NBN: variants seen among roughly 807,000 people sequenced by gnomAD.
The protein encoded by NBN is Nijmegen breakage syndrome 1 (nibrin).
In NBN, 88 loss-of-function variants were observed where a neutral mutation model predicts 90.8. The ratio of observed to expected loss-of-function variants is 0.97; its 90% CI spans 0.82 to 1.16. The LOEUF (loss-of-function observed/expected upper bound fraction) is 1.16, where lower values mean the gene tolerates loss of function less well. Ranked by LOEUF, NBN falls within the 50% of genes most tolerant of loss-of-function variation. The pLI is 0.00. For missense variants in NBN, 894 were observed against 869.6 expected (o/e 1.03, Z -0.35); for synonymous variants, 328 against 295.1 (o/e 1.11, Z -1.14).
intron 10 of NBN, among the ~76,000 whole-genome samples, chr8:89,954,231 T>C (rs1810591709): frequency 6.6e-6 from 1 of 152,116 alleles, no homozygotes; most frequent in Non-Finnish European, 1.5e-5. Context: ...CCAAACACTT[T>C]ATGCAAACTG....
chr8:89,974,251 C>CTTT (rs905605538), intron 5 of NBN, among the ~76,000 whole-genome samples: 20 of 106,476 alleles, frequency 1.9e-4, no homozygotes, highest in Non-Finnish European at 2.5e-4. Flanking sequence ...TACTATATGG[C>CTTT]TTTTTTTTTT....
intron 10 of NBN, among the ~76,000 whole-genome samples, chr8:89,954,155 C>G (rs13312926): frequency 2.6e-5 from 4 of 152,014 alleles, no homozygotes; most frequent in Non-Finnish European, 5.9e-5. Flanking sequence ...CTGTATACTG[C>G]AAATGCTATG....
At chr8:89,944,112 G>T (rs964270727) in intron 13 of NBN, among the ~76,000 whole-genome samples, 5 of 152,060 alleles carry the variant, frequency 3.3e-5, no homozygotes, top group Admixed American at 1.3e-4. Flanking sequence ...TTGAGACAGG[G>T]TCTCACTCTG....
chr8:89,945,089 A>C (rs1810128048), intron 13 of NBN, among the ~76,000 whole-genome samples: 1 of 152,202 alleles, frequency 6.6e-6, no homozygotes, highest in Admixed American at 6.5e-5. Context: ...GTTGTTAATA[A>C]ACCACTCTGT....
At position 89,958,852 on chromosome 8, in the gene NBN, A is replaced by C; in HGVS notation, c.997T>G (p.Leu333Val). The change falls in exon 9 of 16, where the codon TTA becomes GTA. Residue 333 changes from leucine (L) to valine (V), a missense_variant and splice_region_variant. By Grantham distance (32) the Leu-to-Val change is conservative (BLOSUM62 1). Coordinates refer to ENST00000265433, the MANE Select transcript of NBN (RefSeq NM_002485.5). ...CTTGGTCCTGGAGTTGTTGTCTTTA[A>C]TCCTGTAAATCACACAAGTAGAAAG... ...CDPQGHPSTG[L>V]KTTTPGPSLS... The C allele has an allele frequency of 6.2e-7, 1 of 1,613,638 alleles. No individual in the cohort carries two copies. Among genetic ancestry groups the C allele is most frequent in the Non-Finnish European group, 8.5e-7 (1 of 1,179,586 alleles).
chr8:89,962,118 T>C (rs1244212814), intron 8 of NBN, among the ~76,000 whole-genome samples: 3 of 152,154 alleles, frequency 2.0e-5, no homozygotes, highest in Admixed American at 6.5e-5. Context: ...AATTTAGTGG[T>C]TTCTAGAGTT....
At chr8:89,966,049 A>G (rs990146625) in intron 7 of NBN, among the ~76,000 whole-genome samples, 5 of 152,260 alleles carry the variant, frequency 3.3e-5, no homozygotes, top group African/African-American at 1.2e-4. Context: ...AAGAATGGTT[A>G]CATAAAATAG....
intron 8 of NBN, among the ~76,000 whole-genome samples, chr8:89,961,827 A>C (rs1481150207): frequency 6.6e-6 from 1 of 152,172 alleles, no homozygotes; most frequent in African/African-American, 2.4e-5. Flanking sequence ...GTGAAATATT[A>C]ACTGTAGAGA....
At chr8:89,940,302 T>G (rs1194826682) in intron 14 of NBN, among the ~76,000 whole-genome samples, 1 of 152,098 alleles carries the variant, frequency 6.6e-6, no homozygotes, top group Non-Finnish European at 1.5e-5. Context: ...TTATTTATTT[T>G]TTTGTAGAGA....
chr8:89,958,682 T>C, intron 9 of NBN, 43 bp downstream of exon 9: 1 of 1,592,236 alleles, frequency 6.3e-7, no homozygotes, highest in Non-Finnish European at 8.6e-7. Context: ...TATTAATTTA[T>C]TGATAGAATA....
At chr8:89,942,850 A>C (rs1810011388) in intron 14 of NBN, among the ~76,000 whole-genome samples, 1 of 152,318 alleles carries the variant, frequency 6.6e-6, no homozygotes, top group South Asian at 2.1e-4. Flanking sequence ...CTAATATTCA[A>C]GAGAATGAAT....
rs730881864 is a variant in NBN at position 89,943,297 on chromosome 8, G to A, written c.2140C>T (p.Arg714Ter). The change falls in exon 14 of 16, where the codon CGA becomes TGA. Residue 714 changes from arginine to a stop codon, truncating the protein, a stop_gained. Coordinates refer to ENST00000265433, the MANE Select transcript of NBN (RefSeq NM_002485.5). LOFTEE classifies it high-confidence loss of function. ...GGSDLIAHHA[R>*]KNTELEEWLR... ...CACTCTTCTAGTTCTGTATTCTTTC[G>A]AGCATGATGAGCTATTAGATCTGAT... The A allele has an allele frequency of 2.1e-5, 34 of 1,613,316 alleles. No individual in the cohort carries two copies. Among genetic ancestry groups the A allele is most frequent in the South Asian group, 5.5e-5 (5 of 91,068 alleles).
chr8:89,956,055 T>A (rs1810698901), intron 9 of NBN, among the ~76,000 whole-genome samples: 1 of 151,892 alleles, frequency 6.6e-6, no homozygotes, highest in African/African-American at 2.4e-5. Flanking sequence ...TTCAGCCAGA[T>A]GGCAGACTCG....
At chr8:89,964,577 G>A (rs1811157297) in intron 7 of NBN, 70 bp from the exon 8 acceptor site, 1 of 1,448,118 alleles carries the variant, frequency 6.9e-7, no homozygotes, top group Non-Finnish European at 9.5e-7. Context: ...ATAATGTCAA[G>A]ATAAAGCAAC....
chr8:89,935,443 GCATTT>G lies in NBN; in HGVS notation c.*134_*138del. 1 of 962,578 alleles carries G rather than the reference GCATTT, an allele frequency of 1.0e-6. No homozygotes were observed. The highest frequency in any genetic ancestry group is 2.6e-5 in the East Asian group (1 of 38,620). 59.6% of individuals were successfully genotyped at this position (962,578 alleles called of 1,614,324 possible). On this transcript the variant is annotated 3_prime_UTR_variant, in exon 16 of 16. Transcript: ENST00000265433. Reference sequence around the variant, plus strand: ...ACATACAAAAGAATCAAAGTTTTGTGCATTTTATTTAATAAATTTAGGCCATAAAA... The same window carrying G: ...ACATACAAAAGAATCAAAGTTTTGTGTATTTAATAAATTTAGGCCATAAAA...
intron 15 of NBN, chr8:89,936,056 A>G: frequency 2.6e-6 from 1 of 379,180 alleles, no homozygotes; most frequent in South Asian, 2.0e-5. Context: ...ATCTCATTTG[A>G]CTAATGAAAA....
At chr8:89,947,988 G>C (rs2129661523) in intron 11 of NBN, 96 bp from the exon 12 acceptor site, 1 of 711,894 alleles carries the variant, frequency 1.4e-6, no homozygotes. Flanking sequence ...AGTGTAAAAT[G>C]GTTCCTTTCT....
chr8:89,968,380 A>G (rs1187345472), intron 7 of NBN, among the ~76,000 whole-genome samples: 1 of 151,992 alleles, frequency 6.6e-6, no homozygotes, highest in African/African-American at 2.4e-5. Flanking sequence ...GGGTGTCAAT[A>G]TGTGCTGAAA....
chr8:89,979,492 C>T (rs2129899615), intron 4 of NBN, among the ~76,000 whole-genome samples: 1 of 152,272 alleles, frequency 6.6e-6, no homozygotes, highest in East Asian at 1.9e-4. Flanking sequence ...TCAGTTTACA[C>T]TTCAGAAAAT....
Sources: gnomAD v4.1 joint callset for allele counts (sites outside exome capture counted in the v4.1 genomes callset) on GRCh38, gnomAD v4.1.1 for gene constraint, MANE v1.5 for transcripts, NCBI Gene and HGNC (gene_info 2026-07-23, HGNC 2026-07-21) for gene names.